Variants in BCL2L13 observed in about 807,000 individuals in gnomAD.
The protein encoded by BCL2L13 is bcl-2-like protein 13.
In BCL2L13, 13 loss-of-function variants were observed where a neutral mutation model predicts 25.8. That is an observed-to-expected ratio of 0.50 (90% CI 0.33 to 0.80). The LOEUF (loss-of-function observed/expected upper bound fraction) is 0.80. Ranked by LOEUF, BCL2L13 falls within the 30% of genes least tolerant of loss-of-function variation. The pLI, the probability that BCL2L13 is intolerant of heterozygous loss-of-function variation, is 0.02. For synonymous variants in BCL2L13, 244 were observed against 230.3 expected, an observed-to-expected ratio of 1.06 and a Z score of -0.54; for missense variants, 504 against 574.9, an observed-to-expected ratio of 0.88 and a Z score of 1.26.
intron 1 of BCL2L13, among the ~76,000 whole-genome samples, chr22:17,651,290 G>T (rs1311460642): frequency 2.0e-5 from 3 of 151,786 alleles, no homozygotes; most frequent in East Asian, 3.9e-4. Context: ...GAGCCATGGC[G>T]CTGGGCCATT....
At chr22:17,674,173 A>C (rs575976538) in intron 2 of BCL2L13, among the ~76,000 whole-genome samples, 15 of 152,376 alleles carry the variant, frequency 9.8e-5, no homozygotes, top group African/African-American at 3.1e-4. Flanking sequence ...CTGTAAACAT[A>C]ATAGTCAGTG....
intron 6 of BCL2L13, among the ~76,000 whole-genome samples, chr22:17,716,824 T>TA (rs1461655639): frequency 1.3e-5 from 2 of 152,192 alleles, no homozygotes; most frequent in Non-Finnish European, 2.9e-5. Context: ...CTCCTCTAAG[T>TA]AATTGATGGT....
At chr22:17,642,665 C>G (rs1045169727) in intron 1 of BCL2L13, among the ~76,000 whole-genome samples, 4 of 151,746 alleles carry the variant, frequency 2.6e-5, no homozygotes, top group African/African-American at 9.7e-5. Context: ...GCCATCTCAG[C>G]TCACCTCAAC....
intron 2 of BCL2L13, among the ~76,000 whole-genome samples, chr22:17,674,261 G>GT (rs1316433863): frequency 6.6e-6 from 1 of 152,168 alleles, no homozygotes; most frequent in East Asian, 1.9e-4. Flanking sequence ...CAGAAGGACA[G>GT]TTTATGTTGA....
rs1035480959 is a variant in BCL2L13, at chr22:17,660,149, G to A, written c.121+4317G>A. 2.7e-5 allele frequency among the ~76,000 whole-genome samples: 4 copies of A among 146,278 alleles called. 1 individual carries two copies. Among genetic ancestry groups the A allele is most frequent in the Admixed American group, 2.0e-4 (3 of 14,682 alleles). On this transcript the variant is annotated intron_variant, in intron 2 of 6. Transcript: ENST00000317582. ...TGGGATTACAGGCACGAGCCATGGCGCCTGGCCTATATATAAACATTTTAA... is the reference window on the plus strand; with the variant it reads ...TGGGATTACAGGCACGAGCCATGGCACCTGGCCTATATATAAACATTTTAA...
intron 5 of BCL2L13, among the ~76,000 whole-genome samples, chr22:17,696,572 T>G (rs1422748070): frequency 2.6e-5 from 4 of 152,210 alleles, no homozygotes; most frequent in Non-Finnish European, 5.9e-5. Flanking sequence ...CCTCTTCCTG[T>G]TCTCTTAGAT....
intron 1 of BCL2L13, among the ~76,000 whole-genome samples, chr22:17,646,953 A>T (rs28578684): frequency 0.046 from 974 of 21,340 alleles, 8 homozygotes; most frequent in African/African-American, 0.087. Context: ...ATATATATAT[A>T]TATTTTTTTT....
At chr22:17,724,487 A>T (rs1228408361) in intron 6 of BCL2L13, among the ~76,000 whole-genome samples, 1 of 152,180 alleles carries the variant, frequency 6.6e-6, no homozygotes, top group South Asian at 2.1e-4. Flanking sequence ...AACATCCTTG[A>T]TGCTTACCAG....
upstream of BCL2L13, among the ~76,000 whole-genome samples, chr22:17,634,153 G>A (rs560543300): frequency 5.8e-4 from 88 of 152,108 alleles, no homozygotes; most frequent in African/African-American, 2.1e-3. Context: ...TCCCTTGTCT[G>A]TTTCAGGACA....
intron 1 of BCL2L13, among the ~76,000 whole-genome samples, chr22:17,647,936 G>A (rs1223594324): frequency 2.0e-5 from 3 of 152,000 alleles, no homozygotes; most frequent in Non-Finnish European, 2.9e-5. Flanking sequence ...AGACCATCCT[G>A]GCTAACACGG....
At chr22:17,705,891 G>T (rs796563567) in intron 6 of BCL2L13, among the ~76,000 whole-genome samples, 1 of 152,214 alleles carries the variant, frequency 6.6e-6, no homozygotes, top group Non-Finnish European at 1.5e-5. Flanking sequence ...AGGAGGTGGT[G>T]CCAGCAGCCA....
chr22:17,687,062 A>G (rs2059963277), intron 3 of BCL2L13, among the ~76,000 whole-genome samples: 1 of 152,212 alleles, frequency 6.6e-6, no homozygotes, highest in Non-Finnish European at 1.5e-5. Context: ...TCTCGGAGGC[A>G]AGCACTTTAT....
intron 1 of BCL2L13, among the ~76,000 whole-genome samples, chr22:17,633,092 C>CA (rs1179224859): frequency 6.6e-6 from 1 of 152,022 alleles, no homozygotes; most frequent in African/African-American, 2.4e-5. Context: ...TTAGAAAATA[C>CA]AAAAAAGTAC....
intron 2 of BCL2L13, among the ~76,000 whole-genome samples, chr22:17,657,167 A>G (rs924989798): frequency 1.3e-5 from 2 of 152,188 alleles, no homozygotes; most frequent in Non-Finnish European, 2.9e-5. Context: ...AAACTTAAAC[A>G]CATCTTAGTG....
intron 4 of BCL2L13, among the ~76,000 whole-genome samples, chr22:17,691,890 A>G (rs967804942): frequency 6.6e-6 from 1 of 152,162 alleles, no homozygotes; most frequent in African/African-American, 2.4e-5. Context: ...ATTGGCTTGG[A>G]CAAATGTTTA....
chr22:17,693,948 G>A (rs2060191282), intron 4 of BCL2L13, among the ~76,000 whole-genome samples: 2 of 150,616 alleles, frequency 1.3e-5, no homozygotes, highest in African/African-American at 2.4e-5. Flanking sequence ...TAGTAGAGAC[G>A]GGTTTCACCA....
chr22:17,639,742 C>A (rs1023956305), intron 1 of BCL2L13, among the ~76,000 whole-genome samples: 1 of 152,122 alleles, frequency 6.6e-6, no homozygotes, highest in East Asian at 1.9e-4. Context: ...ACAAAAACTT[C>A]TTTGGCGAAA....
chr22:17,673,860 C>G (rs376585710), intron 2 of BCL2L13, among the ~76,000 whole-genome samples: 5 of 151,976 alleles, frequency 3.3e-5, no homozygotes, highest in Middle Eastern at 3.4e-3. Flanking sequence ...CTCTCCCTAG[C>G]GAGGTTGCCA....
chr22:17,711,650 G>A (rs1225016494), intron 6 of BCL2L13, among the ~76,000 whole-genome samples: 1 of 152,056 alleles, frequency 6.6e-6, no homozygotes. Context: ...GAGCCCTAAA[G>A]GTCTGTTTAC....
Sources: gnomAD v4.1 joint callset for allele counts (sites outside exome capture counted in the v4.1 genomes callset) on GRCh38, gnomAD v4.1.1 for gene constraint, MANE v1.5 for transcripts, NCBI Gene and HGNC (gene_info 2026-07-23, HGNC 2026-07-21) for gene names.